EXOSC4: variants seen among roughly 807,000 people sequenced by gnomAD.
EXOSC4 encodes exosome complex component RRP41.
EXOSC4 carries 14 observed loss-of-function variants against 20.0 expected under a neutral mutation model. The observed-to-expected ratio is 0.70, with a 90% confidence interval of 0.46 to 1.09. The LOEUF (loss-of-function observed/expected upper bound fraction) is 1.09. EXOSC4 is among the 50% of genes least tolerant of loss of function. EXOSC4 has a pLI of 0.00. For synonymous variants in EXOSC4, 148 were observed against 146.4 expected, an observed-to-expected ratio of 1.01 and a Z score of -0.08; for missense variants, 337 against 334.0, an observed-to-expected ratio of 1.01 and a Z score of -0.07.
At position 144,078,866 on chromosome 8, in the gene EXOSC4, C is replaced by G; in HGVS notation, c.138C>G (p.Thr46=). The G allele has an allele frequency of 6.5e-7, 1 of 1,543,030 alleles. No homozygotes were observed. Among genetic ancestry groups the G allele is most frequent in the South Asian group, 1.2e-5 (1 of 84,270 alleles). The change falls in exon 1 of 3, where the codon ACC becomes ACG. Residue 46 remains threonine, a synonymous_variant. Coordinates refer to ENST00000316052, the MANE Select transcript of EXOSC4 (RefSeq NM_019037.3). The surrounding 1 kb of genome is among the most constrained non-coding windows in gnomAD (Gnocchi z 4.7). Reference sequence around the variant, plus strand: ...CGGCCTACATTGAGCAGGGCAACACCAAGGCACTGGCTGTGGTCTACGGCC... The same window carrying G: ...CGGCCTACATTGAGCAGGGCAACACGAAGGCACTGGCTGTGGTCTACGGCC... ...DGSAYIEQGN[T]KALAVVYGPH... is the part of the protein sequence containing the mutation.
At chr8:144,064,990 C>T in the EXOSC4 span, among the ~76,000 whole-genome samples, 660 of 152,060 alleles carry the variant, frequency 4.3e-3, 2 homozygotes, top group Middle Eastern at 0.01. Flanking sequence ...TACAAGTGCC[C>T]GCAACCACGC....
At chr8:144,073,300 C>T in the EXOSC4 span, among the ~76,000 whole-genome samples, 2 of 152,096 alleles carry the variant, frequency 1.3e-5, no homozygotes, top group African/African-American at 4.8e-5. Context: ...GCAGGAGACT[C>T]GCCTGAACCC....
the EXOSC4 span, among the ~76,000 whole-genome samples, chr8:144,066,859 G>A: frequency 9.6e-3 from 1,467 of 152,094 alleles, 23 homozygotes; most frequent in African/African-American, 0.034. Flanking sequence ...AAGCCGAGGC[G>A]GGCGGATCAC....
upstream of EXOSC4, among the ~76,000 whole-genome samples, chr8:144,077,758 C>T (rs1835849796): frequency 6.6e-6 from 1 of 152,134 alleles, no homozygotes; most frequent in Non-Finnish European, 1.5e-5. Context: ...TGGAAGGCTA[C>T]CCTTGGAACC....
Position 144,080,326 on chromosome 8 carries a change from G to C in EXOSC4, c.463G>C (p.Asp155His), listed in dbSNP as rs1835886311. 1.2e-6 allele frequency: 2 copies of C among 1,613,590 alleles called. No homozygotes were observed. The highest frequency in any genetic ancestry group is 2.7e-5 in the African/African-American group (2 of 74,942). ...GCTGGATGCCGGGATACCCATGAGA[G>C]ACTTTGTGTGTGCGTGCTCAGCTGG... The part of the protein sequence containing the change: ...AVLDAGIPMR[D>H]FVCACSAGFV... The change falls in exon 3 of 3, where the codon GAC (aspartate) becomes CAC (histidine). Residue 155 changes from aspartate to histidine, a missense_variant. Asp to His is a moderately conservative substitution (Grantham distance 81). Coordinates refer to ENST00000316052, the MANE Select transcript of EXOSC4 (RefSeq NM_019037.3). This position sits in a 1 kb window ranked among gnomAD's most constrained non-coding sequence, Gnocchi z 4.9.
At position 144,078,883 on chromosome 8, in the gene EXOSC4, T is replaced by C. The variant is rs782218132; in HGVS notation, c.155T>C (p.Val52Ala). The change falls in exon 1 of 3, where the codon GTC (valine) becomes GCC (alanine). Residue 52 changes from valine (V) to alanine (A), a missense_variant. Transcript: ENST00000316052. This position sits in a 1 kb window ranked among gnomAD's most constrained non-coding sequence, Gnocchi z 4.7. Reference protein sequence around the residue: ...EQGNTKALAVVYGPHEIRGSR... With the variant: ...EQGNTKALAVAYGPHEIRGSR... ...GGCAACACCAAGGCACTGGCTGTGG[T>C]CTACGGCCCGCACGAGGCGAGTGGG... The C allele has an allele frequency of 2.0e-6, 3 of 1,502,200 alleles. No homozygotes were observed. The highest frequency in any genetic ancestry group is 1.8e-6 in the Non-Finnish European group (2 of 1,124,324). The allele number at this position is 1,502,200 out of a possible 1,614,324, so 93.1% of individuals were successfully genotyped here.
the EXOSC4 span, among the ~76,000 whole-genome samples, chr8:144,067,194 G>T: frequency 6.6e-6 from 1 of 152,236 alleles, no homozygotes; most frequent in Non-Finnish European, 1.5e-5. Flanking sequence ...TTCTCAGAAG[G>T]CTTCCAGGAT....
At chr8:144,079,338 G>A in intron 1 of EXOSC4, 1 of 198,698 alleles carries the variant, frequency 5.0e-6, no homozygotes, top group South Asian at 8.0e-5. Flanking sequence ...CCTAAAGAAA[G>A]GAACTTTACA....
intron 1 of EXOSC4, chr8:144,079,654 TG>T (rs1456615619): frequency 3.5e-6 from 2 of 573,194 alleles, no homozygotes; most frequent in Admixed American, 2.4e-5. Flanking sequence ...GTGAAACCTT[TG>T]TAAGGTAGTT....
At chr8:144,071,526 C>T in the EXOSC4 span, among the ~76,000 whole-genome samples, 4 of 148,334 alleles carry the variant, frequency 2.7e-5, no homozygotes, top group East Asian at 4.2e-4. Flanking sequence ...AGGCTGATCT[C>T]GAACTCCTGA....
upstream of EXOSC4, chr8:144,078,664 C>G (rs978306897): frequency 7.4e-7 from 1 of 1,343,570 alleles, no homozygotes; most frequent in Non-Finnish European, 9.6e-7. This position sits in a 1 kb window ranked among gnomAD's most constrained non-coding sequence, Gnocchi z 4.7. Context: ...TCGGAGCCGC[C>G]GGGAGCTGTA....
chr8:144,079,272 A>C, intron 1 of EXOSC4: 1 of 224,806 alleles, frequency 4.4e-6, no homozygotes, highest in Non-Finnish European at 8.8e-6. Context: ...TACAATCTCA[A>C]ATGCCTATTT....
Position 144,078,691 on chromosome 8 carries a change from G to A in EXOSC4, c.-38G>A. On this transcript the variant is annotated 5_prime_UTR_variant, in exon 1 of 3. Coordinates refer to ENST00000316052, the MANE Select transcript of EXOSC4 (RefSeq NM_019037.3). The surrounding 1 kb of genome is among the most constrained non-coding windows in gnomAD (Gnocchi z 4.7). ...GGAGCTGTAGTTCTCCCGCGGCTCAGAGAAGTAGGCAGAGAGCGGACCTGG... is the reference window on the plus strand; with the variant it reads ...GGAGCTGTAGTTCTCCCGCGGCTCAAAGAAGTAGGCAGAGAGCGGACCTGG... 7.3e-7 allele frequency: 1 copy of A among 1,366,416 alleles called. No individual in the cohort carries two copies. The highest frequency in any genetic ancestry group is 9.5e-7 in the Non-Finnish European group (1 of 1,053,478). 84.6% of individuals were successfully genotyped at this position (1,366,416 alleles called of 1,614,324 possible).
At chr8:144,067,586 C>T in the EXOSC4 span, among the ~76,000 whole-genome samples, 1 of 152,174 alleles carries the variant, frequency 6.6e-6, no homozygotes, top group Non-Finnish European at 1.5e-5. Flanking sequence ...CACCTGACTC[C>T]TCAGAAGAAG....
chr8:144,078,905 TG>T lies in EXOSC4; in HGVS notation c.171+9del, dbSNP rs782308482. ...TGGTCTACGGCCCGCACGAGGCGAG[TG>T]GGCGCGCGGGATGGGGAATCGTGTG... On this transcript the variant is annotated splice_region_variant and intron_variant, in intron 1 of 2. Coordinates refer to ENST00000316052, the MANE Select transcript of EXOSC4 (RefSeq NM_019037.3). The surrounding 1 kb of genome is among the most constrained non-coding windows in gnomAD (Gnocchi z 4.7). 2.8e-5 allele frequency: 41 copies of T among 1,459,224 alleles called. No homozygotes were observed. The highest frequency in any genetic ancestry group is 1.8e-4 in the Middle Eastern group (1 of 5,526). 90.4% of individuals were successfully genotyped at this position (1,459,224 alleles called of 1,614,324 possible). A position where few individuals can be genotyped will look rare whatever the true frequency, so the allele number is the denominator to read the frequency against.
upstream of EXOSC4, among the ~76,000 whole-genome samples, chr8:144,076,465 C>T (rs1472399295): frequency 1.3e-5 from 2 of 152,096 alleles, no homozygotes; most frequent in Admixed American, 1.3e-4. Context: ...AAATTTGAAT[C>T]GACCCATGTG....
At chr8:144,069,049 G>A in the EXOSC4 span, among the ~76,000 whole-genome samples, 1 of 152,254 alleles carries the variant, frequency 6.6e-6, no homozygotes, top group Non-Finnish European at 1.5e-5. Flanking sequence ...GCTCAGTGGA[G>A]AGCAATTAGG....
chr8:144,078,501 G>C, upstream of EXOSC4: 1 of 403,880 alleles, frequency 2.5e-6, no homozygotes. The surrounding 1 kb of genome is among the most constrained non-coding windows in gnomAD (Gnocchi z 4.7). Context: ...ATCCGGGGAG[G>C]TCGGGGCCGC....
the EXOSC4 span, among the ~76,000 whole-genome samples, chr8:144,065,137 G>A: frequency 3.3e-5 from 5 of 151,952 alleles, no homozygotes; most frequent in African/African-American, 9.7e-5. Flanking sequence ...GAGCCACCGC[G>A]CCCAGCCTCC....
Sources: gnomAD v4.1 joint callset for allele counts (sites outside exome capture counted in the v4.1 genomes callset) on GRCh38, gnomAD v4.1.1 for gene constraint, Gnocchi (gnomAD v3.1) non-coding constraint, MANE v1.5 for transcripts, NCBI Gene and HGNC (gene_info 2026-07-23, HGNC 2026-07-21) for gene names.